Variants in PACRG observed in about 807,000 individuals in gnomAD.
PACRG encodes the protein parkin coregulated.
A neutral mutation model predicts 29.7 loss-of-function variants in PACRG; 29 were observed. The observed-to-expected ratio is 0.98, with a 90% CI of 0.73 to 1.33. PACRG has a LOEUF of 1.33. PACRG is among the 40% of genes most tolerant of loss of function. PACRG has a pLI of 0.00. For synonymous variants in PACRG, 116 were observed against 118.7 expected (o/e 0.98, Z 0.15); for missense variants, 279 against 316.2 (o/e 0.88, Z 0.89).
chr6:163,075,175 C>T (rs879477967), intron 3 of PACRG, among the ~76,000 whole-genome samples: 6 of 152,088 alleles, frequency 3.9e-5, no homozygotes, highest in Non-Finnish European at 8.8e-5. Context: ...GAAAATATAA[C>T]TTACCAAAAC....
chr6:162,975,997 C>T (rs913745234), intron 2 of PACRG, among the ~76,000 whole-genome samples: 32 of 152,224 alleles, frequency 2.1e-4, no homozygotes, highest in African/African-American at 6.5e-4. Context: ...GGGTGTGAGA[C>T]GGGATTTGAG....
intron 2 of PACRG, chr6:162,997,456 CAG>C: frequency 2.2e-6 from 1 of 451,640 alleles, no homozygotes; most frequent in Non-Finnish European, 4.4e-6. Context: ...CCTTAAGTAA[CAG>C]ATGAAAACTA....
intron 2 of PACRG, among the ~76,000 whole-genome samples, chr6:162,924,322 G>A (rs1797272178): frequency 6.6e-6 from 1 of 151,862 alleles, no homozygotes; most frequent in African/African-American, 2.4e-5. Context: ...ATAAGATCAT[G>A]CTCTCTGTAA....
chr6:163,194,199 C>G (rs181151678), intron 4 of PACRG, among the ~76,000 whole-genome samples: 1 of 152,118 alleles, frequency 6.6e-6, no homozygotes, highest in Non-Finnish European at 1.5e-5. Context: ...GTTCTGCGCC[C>G]GATTACACAT....
At chr6:163,204,592 A>C (rs1337442717) in intron 4 of PACRG, among the ~76,000 whole-genome samples, 1 of 152,142 alleles carries the variant, frequency 6.6e-6, no homozygotes, top group African/African-American at 2.4e-5. Flanking sequence ...GGTAGAACAC[A>C]CTAATAAGAA....
At chr6:162,900,274 G>T (rs911332857) in intron 2 of PACRG, among the ~76,000 whole-genome samples, 2 of 152,104 alleles carry the variant, frequency 1.3e-5, no homozygotes, top group African/African-American at 2.4e-5. Context: ...AGAGGCCGAC[G>T]TTCCCTCGCC....
chr6:162,820,422 A>G (rs1019263159), intron 2 of PACRG, among the ~76,000 whole-genome samples: 1 of 152,216 alleles, frequency 6.6e-6, no homozygotes, highest in Non-Finnish European at 1.5e-5. Flanking sequence ...CAGTTATTGC[A>G]TATAATTATT....
intron 1 of PACRG, among the ~76,000 whole-genome samples, chr6:162,753,441 T>C (rs1301863874): frequency 1.3e-5 from 2 of 152,220 alleles, no homozygotes; most frequent in Non-Finnish European, 2.9e-5. Flanking sequence ...ATTTTGCTCT[T>C]TCTTAAGGCT....
chr6:162,871,099 T>C (rs1242908078), intron 2 of PACRG, among the ~76,000 whole-genome samples: 1 of 152,140 alleles, frequency 6.6e-6, no homozygotes, highest in African/African-American at 2.4e-5. Flanking sequence ...CGAGGTGATG[T>C]GGGGGTGGTA....
At chr6:163,003,586 TTC>T (rs1192551315) in intron 2 of PACRG, among the ~76,000 whole-genome samples, 2 of 152,194 alleles carry the variant, frequency 1.3e-5, no homozygotes, top group African/African-American at 4.8e-5. Context: ...TTTTTAATTA[TTC>T]TCTCTCTTTT....
At chr6:162,744,020 A>G (rs1403147864) in intron 1 of PACRG, among the ~76,000 whole-genome samples, 4 of 152,070 alleles carry the variant, frequency 2.6e-5, no homozygotes, top group African/African-American at 4.8e-5. Context: ...TCCCTCTTTT[A>G]TATGGTTGTT....
chr6:162,735,662 G>T (rs1259985399), intron 1 of PACRG, among the ~76,000 whole-genome samples: 1 of 151,802 alleles, frequency 6.6e-6, no homozygotes. Flanking sequence ...GTCTAGTATT[G>T]TATGTATTGC....
chr6:162,782,144 A>G (rs1224429024), intron 1 of PACRG, among the ~76,000 whole-genome samples: 2 of 151,954 alleles, frequency 1.3e-5, no homozygotes, highest in Non-Finnish European at 3.0e-5. Flanking sequence ...ATTTCAGAAC[A>G]GAGAATATTG....
At chr6:163,043,809 G>A (rs1809017122) in intron 2 of PACRG, among the ~76,000 whole-genome samples, 1 of 152,200 alleles carries the variant, frequency 6.6e-6, no homozygotes, top group Non-Finnish European at 1.5e-5. Flanking sequence ...CGGAATCAGA[G>A]AGCTTGTGCG....
chr6:162,978,725 G>T (rs1396827028), intron 2 of PACRG, among the ~76,000 whole-genome samples: 1 of 151,960 alleles, frequency 6.6e-6, no homozygotes, highest in Non-Finnish European at 1.5e-5. Context: ...CAGAGTTGAA[G>T]GAAAATAGTG....
rs573355087 is a variant in PACRG, at chr6:162,850,184, A to G, written c.291+35903A>G. Reference sequence around the variant, plus strand: ...AATCTCATGTGTGTAAGTAAAATCAAAGTTCATCAGATCTGTATTAAACAA... The same window carrying G: ...AATCTCATGTGTGTAAGTAAAATCAGAGTTCATCAGATCTGTATTAAACAA... On this transcript the variant is annotated intron_variant, in intron 2 of 4. Coordinates refer to ENST00000366888, the MANE Select transcript of PACRG (RefSeq NM_001080379.2). Among the ~76,000 whole-genome samples the G allele has an allele frequency of 5.9e-5, 9 of 152,384 alleles. No individual in the cohort carries two copies. In the East Asian group the frequency reaches 1.2e-3, roughly 20 times the overall value.
chr6:162,836,160 C>T (rs946653810), intron 2 of PACRG, among the ~76,000 whole-genome samples: 1 of 152,004 alleles, frequency 6.6e-6, no homozygotes, highest in African/African-American at 2.4e-5. Context: ...ATTCATTGTG[C>T]AGCATTTTGA....
intron 1 of PACRG, among the ~76,000 whole-genome samples, chr6:162,745,128 A>G (rs1780889584): frequency 1.3e-5 from 2 of 152,330 alleles, no homozygotes; most frequent in African/African-American, 2.4e-5. Flanking sequence ...AGGAAGATAT[A>G]TATCATTTTG....
rs545917179 is a variant in PACRG, at chr6:163,207,076, C to G, written c.614-107751C>G. 4.6e-5 allele frequency among the ~76,000 whole-genome samples: 7 copies of G among 152,260 alleles called. No individual in the cohort carries two copies. The East Asian group carries it at 1.2e-3, about 25-fold the overall frequency. ...ATAGTCAATATTTGTCAACATATCA[C>G]TTTTGACATTCTGTTTTTTAAATAC... is the stretch of plus-strand genomic sequence containing the variant. On this transcript the variant is annotated intron_variant, in intron 4 of 4. Transcript: ENST00000366888.
Sources: allele counts gnomAD v4.1 joint callset (sites outside exome capture counted in the v4.1 genomes callset), GRCh38; gene constraint gnomAD v4.1.1; transcripts MANE v1.5; gene names NCBI Gene and HGNC (gene_info 2026-07-23, HGNC 2026-07-21).